Variants in CXXC4 observed in about 807,000 individuals in gnomAD.
The protein encoded by CXXC4 is CXXC-type zinc finger protein 4.
In CXXC4, 5 loss-of-function variants were observed where a neutral mutation model predicts 20.5. The ratio of observed to expected loss-of-function variants is 0.24; its 90% CI spans 0.13 to 0.51. The LOEUF (loss-of-function observed/expected upper bound fraction) is 0.51, where lower values mean the gene tolerates loss of function less well. Ranked by LOEUF, CXXC4 falls within the 20% of genes least tolerant of loss-of-function variation. The pLI, the probability that CXXC4 is intolerant of heterozygous loss-of-function variation, is 0.97. For missense variants in CXXC4, 419 were observed against 496.4 expected (o/e 0.84, Z 1.48); for synonymous variants, 250 against 216.4 (o/e 1.16, Z -1.36).
At chr4:104,476,970 C>A (rs536970992) in intron 2 of CXXC4, among the ~76,000 whole-genome samples, 1 of 152,218 alleles carries the variant, frequency 6.6e-6, no homozygotes, top group South Asian at 2.1e-4. Flanking sequence ...TACTGTATAA[C>A]CTTTTGAAAT....
At position 104,491,270 on chromosome 4, in the gene CXXC4, C is replaced by G; in HGVS notation, c.533G>C (p.Arg178Thr). ...TSMHHRNDSQRLGKAGCPPEP... is the reference protein window; with the variant it reads ...TSMHHRNDSQTLGKAGCPPEP... ...TGGCGGGCAGCCAGCTTTCCCCAGC[C>G]TCTGGGAGTCGTTTCGGTGGTGCAT... Residue 178 changes from arginine to threonine, a missense_variant, in exon 2 of 3, where the codon AGG becomes ACG. Around this residue, in one of 3 missense-constraint regions of CXXC4, gnomAD observed 388 missense variants for 416.0 expected, o/e 0.93. Coordinates refer to ENST00000394767, the MANE Select transcript of CXXC4 (RefSeq NM_025212.4). The G allele has an allele frequency of 1.2e-6, 2 of 1,612,200 alleles. No homozygotes were observed. Among genetic ancestry groups the G allele is most frequent in the South Asian group, 2.2e-5 (2 of 91,066 alleles).
intron 2 of CXXC4, chr4:104,475,054 C>T (rs912251183): frequency 2.6e-5 from 4 of 151,996 alleles, no homozygotes; most frequent in East Asian, 1.9e-4. Flanking sequence ...AATGCAAACA[C>T]GAGAAAAGCA....
In CXXC4 at chr4:104,491,456, C is replaced by T; in HGVS notation, c.347G>A (p.Gly116Glu). Reference protein sequence around the residue: ...GSGGGGGGGGGGGGGGGGGGG... With the variant: ...GSGGGGGGGGEGGGGGGGGGG... ...GCCGCCGCCGCCGCCGCCGCCACCC[C>T]CCCCGCCGCCGCCCCCGCCCCCGCC... is the stretch of plus-strand genomic sequence containing the variant. The change falls in exon 2 of 3, where the codon GGG becomes GAG. Residue 116 changes from glycine (G) to glutamate (E), a missense_variant. Physicochemically the swap from Gly to Glu is moderately conservative, Grantham distance 98. Around this residue, in one of 3 missense-constraint regions of CXXC4, gnomAD observed 388 missense variants for 416.0 expected, o/e 0.93. Coordinates refer to ENST00000394767, the MANE Select transcript of CXXC4 (RefSeq NM_025212.4). The T allele has an allele frequency of 2.2e-6, 2 of 921,240 alleles. No individual in the cohort carries two copies. Among genetic ancestry groups the T allele is most frequent in the Non-Finnish European group, 2.7e-6 (2 of 748,938 alleles). 57.1% of individuals were successfully genotyped at this position (921,240 alleles called of 1,614,324 possible). A position where few individuals can be genotyped will look rare whatever the true frequency, so the allele number is the denominator to read the frequency against.
Position 104,491,330 on chromosome 4 carries a change from C to A in CXXC4, c.473G>T (p.Gly158Val), listed in dbSNP as rs1736854981. 2 of 1,553,724 alleles carry A rather than the reference C, an allele frequency of 1.3e-6. No individual in the cohort carries two copies. Among genetic ancestry groups the A allele is most frequent in the Admixed American group, 3.8e-5 (2 of 52,588 alleles). ...GCTGCCGCCGCCGCCGCCGCCGCCG[C>A]CACCGCCGGCGGGGAGGATCGCCGA... Reference protein sequence around the residue: ...SSSAILPAGGGGGGGGGGSRT... With the variant: ...SSSAILPAGGVGGGGGGGSRT... The change falls in exon 2 of 3, where the codon GGC (glycine) becomes GTC (valine). Residue 158 changes from glycine (G) to valine (V), a missense_variant. This residue lies in a region of CXXC4 where 388 missense variants were observed against 416.0 expected (regional missense o/e 0.93). Coordinates refer to ENST00000394767, the MANE Select transcript of CXXC4 (RefSeq NM_025212.4).
At chr4:104,478,390 C>A (rs1736470773) in intron 2 of CXXC4, among the ~76,000 whole-genome samples, 1 of 152,082 alleles carries the variant, frequency 6.6e-6, no homozygotes, top group Non-Finnish European at 1.5e-5. Flanking sequence ...AAACAGCTGT[C>A]CAAAGGAGAA....
At chr4:104,486,132 GC>G (rs1736686654) in intron 2 of CXXC4, among the ~76,000 whole-genome samples, 1 of 151,896 alleles carries the variant, frequency 6.6e-6, no homozygotes, top group African/African-American at 2.4e-5. Flanking sequence ...ATTCCTAATT[GC>G]CATCTAAAAC....
Position 104,490,877 on chromosome 4 carries a change from C to T in CXXC4, c.926G>A (p.Gly309Glu). Residue 309 changes from glycine to glutamate, a missense_variant, in exon 2 of 3, where the codon GGG becomes GAG. Gly to Glu is a moderately conservative substitution (Grantham distance 98). This residue lies in a region of CXXC4 where 15 missense variants were observed against 63.0 expected (regional missense o/e 0.24). Transcript: ENST00000394767. The stretch of plus-strand genomic sequence containing the variant: ...GAGCCTCTTGCAGGGCACGCAGACC[C>T]CACACCTTTTCCTCTTCTTCTTGGC... Reference protein sequence around the residue: ...NPAKKKRKRCGVCVPCKRLIN... With the variant: ...NPAKKKRKRCEVCVPCKRLIN... 2 of 1,614,198 alleles carry T rather than the reference C, an allele frequency of 1.2e-6. No individual in the cohort carries two copies. The highest frequency in any genetic ancestry group is 1.7e-6 in the Non-Finnish European group (2 of 1,180,028).
In CXXC4 at chr4:104,469,080, T is replaced by G. The variant is rs1252534802; in HGVS notation, c.*3242A>C. ...TAAGCAACCAGGAGACATTTTTATATACTCCTACAGTGGGGGAAGACTTCC... is the reference window on the plus strand; with the variant it reads ...TAAGCAACCAGGAGACATTTTTATAGACTCCTACAGTGGGGGAAGACTTCC... On this transcript the variant is annotated 3_prime_UTR_variant, in exon 3 of 3. Transcript: ENST00000394767. The G allele has an allele frequency of 2.0e-5, 3 of 152,062 alleles. No individual in the cohort carries two copies. Among genetic ancestry groups the G allele is most frequent in the African/African-American group, 7.2e-5 (3 of 41,420 alleles). The allele number at this position is 152,062 out of a possible 1,614,324, so 9.4% of individuals were successfully genotyped here.
At position 104,491,027 on chromosome 4, in the gene CXXC4, G is replaced by A; in HGVS notation, c.776C>T (p.Ser259Phe). 6.2e-7 allele frequency: 1 copy of A among 1,614,054 alleles called. No individual in the cohort carries two copies. The highest frequency in any genetic ancestry group is 1.1e-5 in the South Asian group (1 of 91,076). Reference sequence around the variant, plus strand: ...GACGGCTGCTGAGGCTGCTGCGGGGGAGTGAAGGGCTGTCATGACGATGAC... The same window carrying A: ...GACGGCTGCTGAGGCTGCTGCGGGGAAGTGAAGGGCTGTCATGACGATGAC... ...PGVIVMTALH[S>F]PAAASAAVTD... Residue 259 changes from serine (S) to phenylalanine (F), a missense_variant, in exon 2 of 3, where the codon TCC becomes TTC. This residue lies in a region of CXXC4 where 388 missense variants were observed against 416.0 expected (regional missense o/e 0.93). Transcript: ENST00000394767.
intron 2 of CXXC4, among the ~76,000 whole-genome samples, chr4:104,486,395 T>C (rs535872187): frequency 1.1e-4 from 17 of 152,218 alleles, no homozygotes; most frequent in Non-Finnish European, 1.5e-4. Flanking sequence ...AATTCATTTG[T>C]GGCTTTAGTC....
rs1736191417 is a variant in CXXC4, at chr4:104,468,940, A to T, written c.*3382T>A. 3 of 152,064 alleles carry T rather than the reference A, an allele frequency of 2.0e-5. No homozygotes were observed. The highest frequency in any genetic ancestry group is 4.4e-5 in the Non-Finnish European group (3 of 67,980). 9.4% of individuals were successfully genotyped at this position (152,064 alleles called of 1,614,324 possible). A position where few individuals can be genotyped will look rare whatever the true frequency, so the allele number is the denominator to read the frequency against. ...ACTTACATATCAGGGTTTCTGATTG[A>T]AAGGAAGAGAATATTCCTTTCTTTT... On this transcript the variant is annotated 3_prime_UTR_variant, in exon 3 of 3. Coordinates refer to ENST00000394767, the MANE Select transcript of CXXC4 (RefSeq NM_025212.4).
intron 2 of CXXC4, among the ~76,000 whole-genome samples, chr4:104,472,729 C>T (rs2110269265): frequency 6.6e-6 from 1 of 152,004 alleles, no homozygotes; most frequent in South Asian, 2.1e-4. Context: ...TGCAGAATGC[C>T]TACATCATTT....
chr4:104,490,330 G>A (rs889126137), intron 2 of CXXC4, among the ~76,000 whole-genome samples: 2 of 152,180 alleles, frequency 1.3e-5, no homozygotes, highest in Non-Finnish European at 1.5e-5. Context: ...TGTCCTCACT[G>A]TTATAAATGG....
In CXXC4 at chr4:104,491,326, G is replaced by GCCGCCGCCGCCA. The variant is rs1553913918; in HGVS notation, c.476_477insTGGCGGCGGCGG (p.Gly162_Gly165dup). 13 of 1,554,846 alleles carry GCCGCCGCCGCCA rather than the reference G, an allele frequency of 8.4e-6. No homozygotes were observed. The African/African-American group carries it at 1.6e-4, about 19-fold the overall frequency. On this transcript the variant is annotated inframe_insertion, in exon 2 of 3. Coordinates refer to ENST00000394767, the MANE Select transcript of CXXC4 (RefSeq NM_025212.4). ...TCCTGCTGCCGCCGCCGCCGCCGCCGCCGCCACCGCCGGCGGGGAGGATCG... is the reference window on the plus strand; with the variant it reads ...TCCTGCTGCCGCCGCCGCCGCCGCCGCCGCCGCCGCCACCGCCACCGCCGGCGGGGAGGATCG...
chr4:104,472,914 T>C (rs1736312539), intron 2 of CXXC4, among the ~76,000 whole-genome samples: 1 of 151,940 alleles, frequency 6.6e-6, no homozygotes. Flanking sequence ...CAGCACATGG[T>C]CTTAAACATG....
At chr4:104,483,991 T>C (rs1736620368) in intron 2 of CXXC4, among the ~76,000 whole-genome samples, 2 of 151,986 alleles carry the variant, frequency 1.3e-5, no homozygotes, top group Admixed American at 6.6e-5. Context: ...TCTTTCCAAG[T>C]AAACTCAAGT....
chr4:104,482,911 G>T (rs1032070935), intron 2 of CXXC4, among the ~76,000 whole-genome samples: 1 of 151,772 alleles, frequency 6.6e-6, no homozygotes, highest in African/African-American at 2.4e-5. Flanking sequence ...TTGTCTTTTA[G>T]TCTTTGGGCA....
At chr4:104,489,120 A>G (rs1290455351) in intron 2 of CXXC4, among the ~76,000 whole-genome samples, 1 of 152,352 alleles carries the variant, frequency 6.6e-6, no homozygotes, top group East Asian at 1.9e-4. Flanking sequence ...ATGGACCTGC[A>G]TTATAGTTGC....
rs1736855121 is a variant in CXXC4, at chr4:104,491,329, G to GCCGCCA, written c.473_474insTGGCGG (p.Gly164_Gly165dup). 1 of 1,546,038 alleles carries GCCGCCA rather than the reference G, an allele frequency of 6.5e-7. No homozygotes were observed. Among genetic ancestry groups the GCCGCCA allele is most frequent in the Non-Finnish European group, 8.7e-7 (1 of 1,149,390 alleles). ...TGCTGCCGCCGCCGCCGCCGCCGCCGCCACCGCCGGCGGGGAGGATCGCCG... is the reference window on the plus strand; with the variant it reads ...TGCTGCCGCCGCCGCCGCCGCCGCCGCCGCCACCACCGCCGGCGGGGAGGATCGCCG... On this transcript the variant is annotated inframe_insertion, in exon 2 of 3. Transcript: ENST00000394767.
Sources: allele counts gnomAD v4.1 joint callset (sites outside exome capture counted in the v4.1 genomes callset), GRCh38; gene constraint gnomAD v4.1.1; regional missense constraint gnomAD v4.1.1; transcripts MANE v1.5; gene names NCBI Gene and HGNC (gene_info 2026-07-23, HGNC 2026-07-21).